Variants in SYT1 observed in about 807,000 individuals in gnomAD.
SYT1 encodes the protein synaptotagmin 1.
Under a neutral mutation model 44.8 loss-of-function variants are expected in SYT1, and 8 were observed. The observed-to-expected ratio is 0.18, with a 90% CI of 0.10 to 0.32. The LOEUF is 0.32. Among genes scored for constraint, SYT1 ranks in the 10% least tolerant of loss-of-function variants. The pLI is 1.00. For missense variants in SYT1, 286 were observed against 509.3 expected (o/e 0.56, Z 4.22); for synonymous variants, 154 against 188.8 (o/e 0.82, Z 1.51).
Position 78,901,040 on chromosome 12 carries a change from C to T in SYT1, c.-217+35931C>T, listed in dbSNP as rs76936163. ...TCTAAACCATTTATTTCACTATATC[C>T]TTCATAAAACATCACACTTTTTAAA... is the stretch of plus-strand genomic sequence containing the variant. On this transcript the variant is annotated intron_variant, in intron 1 of 10. Coordinates refer to ENST00000261205, the MANE Select transcript of SYT1 (RefSeq NM_005639.3). Among the ~76,000 whole-genome samples the T allele has an allele frequency of 5.6e-3, 850 of 152,098 alleles. 12 individuals carry two copies. Among genetic ancestry groups the T allele is most frequent in the African/African-American group, 0.019 (783 of 41,510 alleles).
chr12:79,210,397 C>A (rs1056186236), intron 3 of SYT1, among the ~76,000 whole-genome samples: 2 of 152,118 alleles, frequency 1.3e-5, no homozygotes, highest in Non-Finnish European at 2.9e-5. Context: ...TTATCTCTCA[C>A]CCCTCTCCCA....
chr12:78,987,002 T>A (rs978199346), intron 2 of SYT1, among the ~76,000 whole-genome samples: 1 of 152,018 alleles, frequency 6.6e-6, no homozygotes, highest in African/African-American at 2.4e-5. Flanking sequence ...TTTCCTTTAA[T>A]AAAGGGCTCA....
At chr12:78,892,696 G>A (rs1875123119) in intron 1 of SYT1, among the ~76,000 whole-genome samples, 1 of 151,690 alleles carries the variant, frequency 6.6e-6, no homozygotes, top group South Asian at 2.1e-4. Context: ...AGGAAGTCAA[G>A]ATTAATTTGG....
At chr12:79,005,137 T>G (rs866846845) in intron 2 of SYT1, among the ~76,000 whole-genome samples, 1 of 152,052 alleles carries the variant, frequency 6.6e-6, no homozygotes. Flanking sequence ...TCCTTAGCTA[T>G]ATGTGAAGTC....
At chr12:79,252,733 G>A (rs530556120) in intron 4 of SYT1, among the ~76,000 whole-genome samples, 3 of 152,238 alleles carry the variant, frequency 2.0e-5, no homozygotes, top group Non-Finnish European at 4.4e-5. Context: ...CTTTTGTGGT[G>A]TTATACCCCT....
At chr12:79,187,551 C>T (rs1210684222) in intron 3 of SYT1, among the ~76,000 whole-genome samples, 2 of 152,066 alleles carry the variant, frequency 1.3e-5, no homozygotes, top group East Asian at 3.9e-4. Context: ...CAGTGAGAAC[C>T]TTCCCCAATT....
chr12:79,297,707 T>A (rs2138872200), intron 7 of SYT1, among the ~76,000 whole-genome samples: 1 of 152,244 alleles, frequency 6.6e-6, no homozygotes, highest in Admixed American at 6.5e-5. Context: ...TATTAAAAAA[T>A]ACTTCAATTT....
intron 4 of SYT1, among the ~76,000 whole-genome samples, chr12:79,233,617 C>T (rs1876000852): frequency 6.6e-6 from 1 of 152,248 alleles, no homozygotes; most frequent in African/African-American, 2.4e-5. Flanking sequence ...TCTGTCATCT[C>T]ACCTTTCTAC....
intron 3 of SYT1, among the ~76,000 whole-genome samples, chr12:79,207,612 A>G (rs533072511): frequency 6.6e-6 from 1 of 152,290 alleles, no homozygotes; most frequent in African/African-American, 2.4e-5. Flanking sequence ...GAGAACATGC[A>G]ATGAAAAACA....
chr12:79,433,542 T>A (rs17005594), intron 9 of SYT1, among the ~76,000 whole-genome samples: 29,025 of 152,134 alleles, frequency 0.19, 3,264 homozygotes, highest in African/African-American at 0.3. Context: ...ATAAGAGGCT[T>A]AACCTATATC....
intron 8 of SYT1, 152 bp downstream of exon 8, chr12:79,299,703 C>T: frequency 2.2e-6 from 2 of 919,330 alleles, no homozygotes; most frequent in Non-Finnish European, 3.1e-6. Flanking sequence ...ACTGCACCAC[C>T]TCGTTAAAAA....
At chr12:79,433,872 T>A (rs1869935276) in intron 9 of SYT1, among the ~76,000 whole-genome samples, 2 of 152,198 alleles carry the variant, frequency 1.3e-5, no homozygotes, top group African/African-American at 4.8e-5. Flanking sequence ...AGGGTGGTGC[T>A]CCAACCCTCA....
At chr12:79,448,844 G>C in intron 10 of SYT1, 74 bp from the exon 11 acceptor site, 1 of 1,349,756 alleles carries the variant, frequency 7.4e-7, no homozygotes, top group Non-Finnish European at 1.0e-6. Context: ...ATTCTTTAGC[G>C]CTCAAGGACG....
At chr12:78,950,092 G>T (rs1392758454) in intron 1 of SYT1, among the ~76,000 whole-genome samples, 1 of 151,884 alleles carries the variant, frequency 6.6e-6, no homozygotes, top group Non-Finnish European at 1.5e-5. Context: ...TACTCTAAAA[G>T]TAACTGCAAT....
intron 9 of SYT1, among the ~76,000 whole-genome samples, chr12:79,383,709 G>A (rs1037272121): frequency 1.3e-5 from 2 of 151,918 alleles, no homozygotes; most frequent in African/African-American, 4.8e-5. Context: ...CATCTTATAG[G>A]GAGTGAATCC....
chr12:79,285,726 G>C, intron 4 of SYT1, 61 bp from the exon 5 acceptor site: 1 of 1,312,092 alleles, frequency 7.6e-7, no homozygotes, highest in Non-Finnish European at 1.1e-6. Flanking sequence ...TAGCCCATGA[G>C]TTAAAAGGTT....
At chr12:78,905,524 G>A (rs1234004909) in intron 1 of SYT1, among the ~76,000 whole-genome samples, 4 of 152,098 alleles carry the variant, frequency 2.6e-5, no homozygotes, top group African/African-American at 9.7e-5. Flanking sequence ...TTCCTTCAAA[G>A]TCATACAATT....
chr12:78,947,242 C>A (rs954936816), intron 1 of SYT1, among the ~76,000 whole-genome samples: 3 of 152,172 alleles, frequency 2.0e-5, no homozygotes, highest in African/African-American at 2.4e-5. Flanking sequence ...CTTTTAGGTA[C>A]AACTTGGCAA....
At position 79,425,847 on chromosome 12, in the gene SYT1, T is replaced by C. The variant is rs115615561; in HGVS notation, c.929-18226T>C. Among the ~76,000 whole-genome samples, 740 of 152,268 alleles carry C rather than the reference T, an allele frequency of 4.9e-3. 6 individuals are homozygous for C. The highest frequency in any genetic ancestry group is 0.017 in the African/African-American group (725 of 41,550). On this transcript the variant is annotated intron_variant, in intron 9 of 10. Coordinates refer to ENST00000261205, the MANE Select transcript of SYT1 (RefSeq NM_005639.3). ...ACCTGCAAAGCACTAATAATACTTA[T>C]TGGCGTATGGCCTTTGACTCATTTA...
Sources: gnomAD v4.1 joint callset for allele counts (sites outside exome capture counted in the v4.1 genomes callset) on GRCh38, gnomAD v4.1.1 for gene constraint, MANE v1.5 for transcripts, NCBI Gene and HGNC (gene_info 2026-07-23, HGNC 2026-07-21) for gene names.